ARHGAP25: variants seen among roughly 807,000 people sequenced by gnomAD.
ARHGAP25 encodes the protein rho GTPase-activating protein 25.
In ARHGAP25, 34 loss-of-function variants were observed where a neutral mutation model predicts 71.0. The ratio of observed to expected loss-of-function variants is 0.48; its 90% CI spans 0.36 to 0.64. The LOEUF is 0.64. Ranked by LOEUF, ARHGAP25 falls within the 30% of genes least tolerant of loss-of-function variation. The pLI, the probability that ARHGAP25 is intolerant of heterozygous loss-of-function variation, is 0.00. For missense variants in ARHGAP25, 706 were observed against 805.1 expected (o/e 0.88, Z 1.49); for synonymous variants, 282 against 296.5 (o/e 0.95, Z 0.50).
chr2:68,769,662 C>T (rs1677355919), intron 1 of ARHGAP25, among the ~76,000 whole-genome samples: 2 of 152,182 alleles, frequency 1.3e-5, no homozygotes, highest in African/African-American at 2.4e-5. Context: ...ACACAGGTGT[C>T]TCCACTGACA....
At chr2:68,772,493 G>A (rs898441135) in intron 1 of ARHGAP25, among the ~76,000 whole-genome samples, 2 of 152,350 alleles carry the variant, frequency 1.3e-5, no homozygotes, top group African/African-American at 4.8e-5. Context: ...TACTGAAGTG[G>A]GGGAGAATGC....
intron 1 of ARHGAP25, among the ~76,000 whole-genome samples, chr2:68,737,278 T>A (rs1306219239): frequency 2.0e-5 from 3 of 152,190 alleles, no homozygotes. Context: ...CAGGTGTAAC[T>A]GTAGGAACTG....
chr2:68,806,654 T>A (rs1158475852), intron 4 of ARHGAP25, among the ~76,000 whole-genome samples: 1 of 152,262 alleles, frequency 6.6e-6, no homozygotes, highest in African/African-American at 2.4e-5. Context: ...AGAGATTTCA[T>A]CATGCTACTC....
At chr2:68,795,155 CT>C (rs1429876515) in intron 4 of ARHGAP25, among the ~76,000 whole-genome samples, 1 of 151,828 alleles carries the variant, frequency 6.6e-6, no homozygotes, top group Non-Finnish European at 1.5e-5. Context: ...GTTTGGATCT[CT>C]TTTTTTCTTG....
At chr2:68,797,898 G>A (rs1265972920) in intron 4 of ARHGAP25, among the ~76,000 whole-genome samples, 1 of 152,212 alleles carries the variant, frequency 6.6e-6, no homozygotes, top group African/African-American at 2.4e-5. Context: ...CCATTTGGGG[G>A]ATTCGCTCCC....
At chr2:68,813,210 C>T in intron 5 of ARHGAP25, 77 bp from the exon 6 acceptor site, 1 of 1,464,398 alleles carries the variant, frequency 6.8e-7, no homozygotes, top group East Asian at 2.4e-5. Flanking sequence ...TTCACTGAAT[C>T]ATCAGAATGG....
chr2:68,730,692 C>A (rs953173180), upstream of ARHGAP25, among the ~76,000 whole-genome samples: 72 of 152,068 alleles, frequency 4.7e-4, no homozygotes, highest in African/African-American at 1.7e-3. Context: ...TAGAGTCCAA[C>A]CCTTCAGCAA....
At chr2:68,773,670 A>C (rs544672501) in intron 1 of ARHGAP25, among the ~76,000 whole-genome samples, 1 of 152,188 alleles carries the variant, frequency 6.6e-6, no homozygotes, top group Non-Finnish European at 1.5e-5. Flanking sequence ...ATCAATGAGG[A>C]GATGTTGGCA....
chr2:68,817,171 A>G (rs181667943), intron 7 of ARHGAP25, among the ~76,000 whole-genome samples: 30 of 152,324 alleles, frequency 2.0e-4, no homozygotes, highest in African/African-American at 7.2e-4. Context: ...TGGATTATAA[A>G]TAACTTCATA....
chr2:68,754,756 T>A (rs1019577776), intron 1 of ARHGAP25, among the ~76,000 whole-genome samples: 2 of 152,216 alleles, frequency 1.3e-5, no homozygotes, highest in Non-Finnish European at 2.9e-5. Context: ...ATATTGTTAG[T>A]TTTTTAAAAA....
At chr2:68,728,368 C>G (rs1157244134) in intron 2 of ARHGAP25, among the ~76,000 whole-genome samples, 1 of 152,102 alleles carries the variant, frequency 6.6e-6, no homozygotes, top group African/African-American at 2.4e-5. Context: ...AAATGAAACC[C>G]TCATACATTT....
chr2:68,793,182 A>G (rs573428217), intron 4 of ARHGAP25, among the ~76,000 whole-genome samples: 3 of 152,132 alleles, frequency 2.0e-5, no homozygotes, highest in East Asian at 3.9e-4. Context: ...TTAGTCTTTT[A>G]TCATATGCAT....
chr2:68,728,310 A>G (rs1674930125), intron 2 of ARHGAP25, among the ~76,000 whole-genome samples: 1 of 152,226 alleles, frequency 6.6e-6, no homozygotes, highest in Non-Finnish European at 1.5e-5. Context: ...AGAATGGCTA[A>G]AATAAAAAAA....
At chr2:68,806,756 G>A (rs533559150) in intron 4 of ARHGAP25, among the ~76,000 whole-genome samples, 1 of 152,330 alleles carries the variant, frequency 6.6e-6, no homozygotes, top group Admixed American at 6.5e-5. Flanking sequence ...GGATAAGGGA[G>A]GATGCCATAC....
chr2:68,721,341 T>C (rs1021916489), intron 2 of ARHGAP25, among the ~76,000 whole-genome samples: 1 of 152,234 alleles, frequency 6.6e-6, no homozygotes, highest in African/African-American at 2.4e-5. Flanking sequence ...CAACAACTCA[T>C]GGATAAAGTA....
At chr2:68,766,329 T>C (rs956584187) in intron 1 of ARHGAP25, among the ~76,000 whole-genome samples, 1 of 152,240 alleles carries the variant, frequency 6.6e-6, no homozygotes, top group African/African-American at 2.4e-5. Context: ...AAGAATTTTC[T>C]ACAGAGAAAA....
chr2:68,722,917 C>A (rs1010821825), intron 2 of ARHGAP25, among the ~76,000 whole-genome samples: 1 of 152,208 alleles, frequency 6.6e-6, no homozygotes, highest in Non-Finnish European at 1.5e-5. Context: ...ACTCTCCAAA[C>A]GGGAGAGGTG....
chr2:68,718,630 T>A (rs1674678577), intron 2 of ARHGAP25, among the ~76,000 whole-genome samples: 1 of 152,188 alleles, frequency 6.6e-6, no homozygotes, highest in African/African-American at 2.4e-5. Context: ...TAGATAGAGA[T>A]ATTTGTCTCT....
rs558128017 is a variant in ARHGAP25 at position 68,805,721 on chromosome 2, G to A, written c.467-1552G>A. ...GCGGAAAAGAACATGAGGGTCAAGA[G>A]CCTGGTACAGCTCTATACAGGTGGA... is the stretch of plus-strand genomic sequence containing the variant. On this transcript the variant is annotated intron_variant, in intron 4 of 10. Coordinates refer to ENST00000409202, the MANE Select transcript of ARHGAP25 (RefSeq NM_001007231.3). 2.8e-3 allele frequency among the ~76,000 whole-genome samples: 433 copies of A among 152,260 alleles called. 1 individual carries two copies. Among genetic ancestry groups the A allele is most frequent in the African/African-American group, 9.9e-3 (413 of 41,556 alleles).
Sources: gnomAD v4.1 joint callset for allele counts (sites outside exome capture counted in the v4.1 genomes callset) on GRCh38, gnomAD v4.1.1 for gene constraint, MANE v1.5 for transcripts, NCBI Gene and HGNC (gene_info 2026-07-23, HGNC 2026-07-21) for gene names.